DENND2C: variants seen among roughly 807,000 people sequenced by gnomAD.
The protein encoded by DENND2C is DENN domain containing 2C, also known as DENN domain-containing protein 2C.
DENND2C carries 72 observed loss-of-function variants against 112.4 expected under a neutral mutation model. The observed-to-expected ratio is 0.64, with a 90% CI of 0.53 to 0.78. DENND2C has a LOEUF of 0.78. Ranked by LOEUF, DENND2C falls within the 30% of genes least tolerant of loss-of-function variation. DENND2C has a pLI of 0.00. For missense variants in DENND2C, 992 were observed against 1,113.8 expected (o/e 0.89, Z 1.56); for synonymous variants, 329 against 381.6 (o/e 0.86, Z 1.61).
intron 3 of DENND2C, among the ~76,000 whole-genome samples, chr1:114,634,317 G>A (rs1002409655): frequency 6.6e-6 from 1 of 152,000 alleles, no homozygotes; most frequent in African/African-American, 2.4e-5. Flanking sequence ...CAAACATAAA[G>A]TACATACTCT....
intron 1 of DENND2C, among the ~76,000 whole-genome samples, chr1:114,660,797 C>G (rs1657469659): frequency 6.6e-6 from 1 of 152,062 alleles, no homozygotes; most frequent in African/African-American, 2.4e-5. Context: ...TATACCCATA[C>G]AGCTGTGGTT....
Position 114,600,184 on chromosome 1 carries a change from A to G in DENND2C, c.2105+20T>C, listed in dbSNP as rs1655459600. 1.9e-6 allele frequency: 3 copies of G among 1,606,068 alleles called. No individual in the cohort carries two copies. The highest frequency in any genetic ancestry group is 1.3e-5 in the African/African-American group (1 of 74,494). ...AAATAAAACACCAGTGTGAAGTAAC[A>G]TATTTCACTTATTTCTTACCTTAGG... is the stretch of plus-strand genomic sequence containing the variant. On this transcript the variant is annotated intron_variant, in intron 15 of 20. Coordinates refer to ENST00000393274, the MANE Select transcript of DENND2C (RefSeq NM_001256404.2).
intron 3 of DENND2C, among the ~76,000 whole-genome samples, chr1:114,640,924 G>A (rs1656819278): frequency 6.6e-6 from 1 of 152,000 alleles, no homozygotes. Flanking sequence ...TTAATAGTTT[G>A]AGTGCCTGTG....
At chr1:114,635,343 A>C (rs996956840) in intron 3 of DENND2C, among the ~76,000 whole-genome samples, 1 of 152,072 alleles carries the variant, frequency 6.6e-6, no homozygotes, top group African/African-American at 2.4e-5. Context: ...AATGAGTATT[A>C]ATGAAATAGA....
chr1:114,633,134 C>A (rs1198821109), intron 3 of DENND2C, among the ~76,000 whole-genome samples: 2 of 152,014 alleles, frequency 1.3e-5, no homozygotes, highest in Admixed American at 1.3e-4. Context: ...GTTTCTCTAA[C>A]CCACAATGGA....
At chr1:114,603,153 T>C (rs989591358) in intron 11 of DENND2C, among the ~76,000 whole-genome samples, 1 of 152,072 alleles carries the variant, frequency 6.6e-6, no homozygotes, top group Admixed American at 6.5e-5. Flanking sequence ...TTTTTTTTTT[T>C]TTTCTGAGAC....
At chr1:114,629,192 C>T (rs1656423079) in intron 3 of DENND2C, among the ~76,000 whole-genome samples, 1 of 152,212 alleles carries the variant, frequency 6.6e-6, no homozygotes, top group Admixed American at 6.5e-5. Context: ...CACATAACCA[C>T]AATGGACAAT....
chr1:114,597,975 TA>T (rs1655390282), intron 16 of DENND2C, among the ~76,000 whole-genome samples: 1 of 152,136 alleles, frequency 6.6e-6, no homozygotes, highest in Non-Finnish European at 1.5e-5. Flanking sequence ...CAACTGATGA[TA>T]AAAAGTGATG....
intron 3 of DENND2C, among the ~76,000 whole-genome samples, chr1:114,645,107 GGTTT>G (rs946351492): frequency 1.3e-5 from 2 of 152,040 alleles, no homozygotes; most frequent in African/African-American, 4.8e-5. Flanking sequence ...GATTAAACGT[GGTTT>G]TTTTTGATAC....
chr1:114,623,395 GA>G, intron 5 of DENND2C, 111 bp downstream of exon 5: 1 of 1,087,656 alleles, frequency 9.2e-7, no homozygotes, highest in Non-Finnish European at 1.3e-6. Flanking sequence ...ATGCTAAAGA[GA>G]AAAACCTAGA....
chr1:114,596,373 TA>T (rs1655342100), intron 16 of DENND2C, among the ~76,000 whole-genome samples: 1 of 151,988 alleles, frequency 6.6e-6, no homozygotes, highest in South Asian at 2.1e-4. Context: ...AATAAACAAA[TA>T]AATGAATAAA....
At position 114,645,270 on chromosome 1, in the gene DENND2C, T is replaced by G. The variant is rs77581284; in HGVS notation, c.-205+178A>C. The stretch of plus-strand genomic sequence containing the variant: ...TATGACTGGATTTGGAGATCAGGTC[T>G]CTTGAGAGGTAATTAAGTTAAAATG... On this transcript the variant is annotated intron_variant, in intron 3 of 20. Transcript: ENST00000393274. 5.6e-3 allele frequency among the ~76,000 whole-genome samples: 860 copies of G among 152,280 alleles called. 4 individuals are homozygous for G. Among genetic ancestry groups the G allele is most frequent in the Non-Finnish European group, 0.01 (701 of 68,006 alleles).
chr1:114,628,092 G>A (rs1656394414), intron 3 of DENND2C, among the ~76,000 whole-genome samples: 1 of 151,978 alleles, frequency 6.6e-6, no homozygotes, highest in African/African-American at 2.4e-5. Context: ...CATCACTTGA[G>A]GCCAGGAGTT....
rs1444635401 is a variant in DENND2C at position 114,600,322 on chromosome 1, G to T, written c.1987C>A (p.Arg663=). The T allele has an allele frequency of 6.2e-7, 1 of 1,614,054 alleles. No individual in the cohort carries two copies. Among genetic ancestry groups the T allele is most frequent in the Admixed American group, 1.7e-5 (1 of 60,012 alleles). The stretch of plus-strand genomic sequence containing the variant: ...CATTTAAAATCAACATGTTCCAATC[G>T]GGAATCTAGTGGTCGGCAGAGTTCA... ...SIELCRPLDS[R]LEHVDFKCLF... Residue 663 remains arginine, a synonymous_variant, in exon 15 of 21, where the codon CGA becomes AGA. Transcript: ENST00000393274.
chr1:114,600,885 C>A lies in DENND2C; in HGVS notation c.1891G>T (p.Ala631Ser). 1 of 1,614,092 alleles carries A rather than the reference C, an allele frequency of 6.2e-7. No homozygotes were observed. Among genetic ancestry groups the A allele is most frequent in the Non-Finnish European group, 8.5e-7 (1 of 1,179,976 alleles). Residue 631 changes from alanine to serine, a missense_variant, in exon 14 of 21, where the codon GCT (alanine) becomes TCT (serine). By Grantham distance (99) the Ala-to-Ser change is moderately conservative. This residue lies in a region of DENND2C where 516 missense variants were observed against 623.6 expected (regional missense o/e 0.83). Coordinates refer to ENST00000393274, the MANE Select transcript of DENND2C (RefSeq NM_001256404.2). ...GTGCGTCCAGGAGCTGGGAAAGGAG[C>A]TTCCATGACACTTCGCATGAATGGG... ...VYPFMRSVME[A>S]PFPAPGRTIT...
At chr1:114,597,088 A>C (rs1356699918) in intron 16 of DENND2C, among the ~76,000 whole-genome samples, 1 of 152,186 alleles carries the variant, frequency 6.6e-6, no homozygotes, top group Non-Finnish European at 1.5e-5. Context: ...GCATTAAAAA[A>C]CATCATTTTT....
intron 2 of DENND2C, among the ~76,000 whole-genome samples, chr1:114,650,254 C>T (rs550016406): frequency 5.3e-5 from 8 of 150,754 alleles, no homozygotes; most frequent in East Asian, 2.0e-4. Context: ...ACCCAGGAGG[C>T]GGAGGTTGCA....
intron 3 of DENND2C, among the ~76,000 whole-genome samples, chr1:114,644,596 A>G (rs1302391427): frequency 6.6e-6 from 1 of 152,208 alleles, no homozygotes; most frequent in Non-Finnish European, 1.5e-5. Flanking sequence ...ACTTATTTAA[A>G]TAATTCACAC....
Position 114,655,883 on chromosome 1 carries a change from A to AAT in DENND2C, c.-573-1124_-573-1123dup, listed in dbSNP as rs10525704. ...AAGAACTTTTATATATATATGTATA[A>AAT]ATATATATATATATATAATATGTAT... is the stretch of plus-strand genomic sequence containing the variant. On this transcript the variant is annotated intron_variant, in intron 1 of 20. Coordinates refer to ENST00000393274, the MANE Select transcript of DENND2C (RefSeq NM_001256404.2). Among the ~76,000 whole-genome samples, 967 of 125,874 alleles carry AAT rather than the reference A, an allele frequency of 7.7e-3. 17 individuals carry two copies. Among genetic ancestry groups the AAT allele is most frequent in the African/African-American group, 0.024 (901 of 37,112 alleles). The allele number at this position is 125,874 out of a possible 152,430, so 82.6% of individuals were successfully genotyped here.
Sources: allele counts gnomAD v4.1 joint callset (sites outside exome capture counted in the v4.1 genomes callset), GRCh38; gene constraint gnomAD v4.1.1; regional missense constraint gnomAD v4.1.1; transcripts MANE v1.5; gene names NCBI Gene and HGNC (gene_info 2026-07-23, HGNC 2026-07-21).